Variants in GRID2 observed in about 807,000 individuals in gnomAD.
GRID2 encodes the protein glutamate ionotropic receptor delta type subunit 2, also known as glutamate receptor ionotropic, delta-2.
Under a neutral mutation model 114.8 loss-of-function variants are expected in GRID2, and 33 were observed. The observed-to-expected ratio is 0.29, with a 90% CI of 0.22 to 0.38. The LOEUF (loss-of-function observed/expected upper bound fraction) is 0.38. Ranked by LOEUF, GRID2 falls within the 10% of genes least tolerant of loss-of-function variation. GRID2 has a pLI of 1.00. For missense variants in GRID2, 1,184 were observed against 1,257.7 expected (o/e 0.94, Z 0.89); for synonymous variants, 505 against 449.9 (o/e 1.12, Z -1.55).
intron 2 of GRID2, among the ~76,000 whole-genome samples, chr4:92,936,813 C>G (rs1750707773): frequency 6.8e-6 from 1 of 146,302 alleles, no homozygotes; most frequent in African/African-American, 2.4e-5. Flanking sequence ...AATCCTCAGT[C>G]CTCAAAGAAA....
At chr4:92,466,660 T>C (rs1160416838) in intron 1 of GRID2, among the ~76,000 whole-genome samples, 1 of 151,902 alleles carries the variant, frequency 6.6e-6, no homozygotes, top group African/African-American at 2.4e-5. Flanking sequence ...AGCTTTTGTT[T>C]AGCTTTTATA....
chr4:92,342,496 G>A (rs565172856), intron 1 of GRID2, among the ~76,000 whole-genome samples: 1 of 152,246 alleles, frequency 6.6e-6, no homozygotes, highest in East Asian at 1.9e-4. Flanking sequence ...GCTCATTTTA[G>A]TTAAAGCATT....
chr4:93,328,958 G>A (rs1425612936), intron 8 of GRID2, among the ~76,000 whole-genome samples: 1 of 152,120 alleles, frequency 6.6e-6, no homozygotes, highest in Non-Finnish European at 1.5e-5. Flanking sequence ...ATAAAACCAT[G>A]TTGAATTTTT....
chr4:93,487,729 T>C (rs1726557466), intron 11 of GRID2, among the ~76,000 whole-genome samples: 1 of 151,960 alleles, frequency 6.6e-6, no homozygotes, highest in Admixed American at 6.6e-5. Context: ...AATATGAAGC[T>C]ATCTTTCTGG....
chr4:93,469,174 G>T (rs1240153083), intron 11 of GRID2, among the ~76,000 whole-genome samples: 1 of 152,114 alleles, frequency 6.6e-6, no homozygotes, highest in African/African-American at 2.4e-5. Flanking sequence ...TTTTGGTAGA[G>T]AAGGTACAGA....
chr4:92,834,800 C>T (rs72663586), intron 2 of GRID2, among the ~76,000 whole-genome samples: 39,336 of 151,974 alleles, frequency 0.26, 5,424 homozygotes, highest in Middle Eastern at 0.38. Context: ...TTACTTAGGT[C>T]TGTGTGGTGT....
At chr4:93,711,792 A>G (rs1305809191) in intron 14 of GRID2, among the ~76,000 whole-genome samples, 4 of 152,144 alleles carry the variant, frequency 2.6e-5, no homozygotes, top group East Asian at 1.9e-4. Flanking sequence ...GGTGTAGACA[A>G]TTCAAGACTG....
At chr4:92,611,377 A>G (rs1417713173) in intron 2 of GRID2, among the ~76,000 whole-genome samples, 1 of 151,570 alleles carries the variant, frequency 6.6e-6, no homozygotes, top group Non-Finnish European at 1.5e-5. Context: ...GCATGAAAAC[A>G]GAGTGTGCTC....
intron 2 of GRID2, among the ~76,000 whole-genome samples, chr4:92,620,054 A>G (rs1317421993): frequency 1.3e-5 from 2 of 151,770 alleles, no homozygotes; most frequent in African/African-American, 2.4e-5. Flanking sequence ...AGAAATGTGG[A>G]TTATGGGTAG....
At chr4:92,945,419 T>C (rs1019737713) in intron 2 of GRID2, among the ~76,000 whole-genome samples, 1 of 152,150 alleles carries the variant, frequency 6.6e-6, no homozygotes. Flanking sequence ...TAGGATCAAC[T>C]CAATGTTTTT....
chr4:92,618,617 T>C (rs1350338438), intron 2 of GRID2, among the ~76,000 whole-genome samples: 1 of 151,762 alleles, frequency 6.6e-6, no homozygotes, highest in Non-Finnish European at 1.5e-5. Context: ...CAATATTAAC[T>C]CTTCCTATCC....
rs568361497 is a variant in GRID2 at position 93,161,690 on chromosome 4, A to G, written c.736-45714A>G. Among the ~76,000 whole-genome samples the G allele has an allele frequency of 4.6e-5, 7 of 151,942 alleles. No homozygotes were observed. In the South Asian group the frequency reaches 1.5e-3, roughly 32 times the overall value. ...AAATAACAATTTTAAAAATGTGTAA[A>G]TCATAGTTTTTATGTGACTGAAACT... On this transcript the variant is annotated intron_variant, in intron 4 of 15. Transcript: ENST00000282020.
intron 2 of GRID2, among the ~76,000 whole-genome samples, chr4:92,604,427 C>G (rs1393986557): frequency 6.6e-6 from 1 of 152,048 alleles, no homozygotes; most frequent in Non-Finnish European, 1.5e-5. Context: ...CCTCAGCAAA[C>G]TAACACAGGA....
At chr4:92,660,466 G>A (rs1401017799) in intron 2 of GRID2, among the ~76,000 whole-genome samples, 1 of 151,236 alleles carries the variant, frequency 6.6e-6, no homozygotes, top group African/African-American at 2.4e-5. Flanking sequence ...GCAAAGAAAT[G>A]ATACATGAGT....
intron 2 of GRID2, among the ~76,000 whole-genome samples, chr4:92,782,390 A>G (rs1254713333): frequency 6.6e-6 from 1 of 152,190 alleles, no homozygotes. Flanking sequence ...TTGAAGGTCC[A>G]TTTTACAAAA....
In GRID2 at chr4:92,720,120, T is replaced by C. The variant is rs549716833; in HGVS notation, c.244+129834T>C. ...TGTCTCCAGAACATTTCATAGGATG[T>C]TCATATTTCTTTTTAAGTCAAATTA... On this transcript the variant is annotated intron_variant, in intron 2 of 15. Coordinates refer to ENST00000282020, the MANE Select transcript of GRID2 (RefSeq NM_001510.4). Among the ~76,000 whole-genome samples, 3 of 152,236 alleles carry C rather than the reference T, an allele frequency of 2.0e-5. No homozygotes were observed. The South Asian group carries it at 6.2e-4, about 32-fold the overall frequency.
At chr4:93,374,587 A>AT (rs1302419222) in intron 8 of GRID2, among the ~76,000 whole-genome samples, 2 of 140,436 alleles carry the variant, frequency 1.4e-5, no homozygotes, top group Admixed American at 6.7e-5. Flanking sequence ...TAAGTATATA[A>AT]TTTTAACAAT....
chr4:93,191,882 G>A (rs193232591), intron 4 of GRID2, among the ~76,000 whole-genome samples: 114 of 152,214 alleles, frequency 7.5e-4, no homozygotes, highest in Non-Finnish European at 1.3e-3. Flanking sequence ...TCTGCAATAT[G>A]TTCTGGAAAA....
chr4:92,461,831 G>T (rs1721511949), intron 1 of GRID2, among the ~76,000 whole-genome samples: 1 of 151,944 alleles, frequency 6.6e-6, no homozygotes, highest in African/African-American at 2.4e-5. Flanking sequence ...TTTCTGCTCA[G>T]TTAGCAGGAA....
Sources: gnomAD v4.1 joint callset for allele counts (sites outside exome capture counted in the v4.1 genomes callset) on GRCh38, gnomAD v4.1.1 for gene constraint, MANE v1.5 for transcripts, NCBI Gene and HGNC (gene_info 2026-07-23, HGNC 2026-07-21) for gene names.